GNG8: variants seen among roughly 807,000 people sequenced by gnomAD.
The protein encoded by GNG8 is guanine nucleotide-binding protein G(I)/G(S)/G(O) subunit gamma-8.
In GNG8, 3 loss-of-function variants were observed where a neutral mutation model predicts 4.6. The observed-to-expected ratio is 0.65, with a 90% CI of 0.29 to 1.67. The LOEUF (loss-of-function observed/expected upper bound fraction) is 1.67, where lower values mean the gene tolerates loss of function less well. Among genes scored for constraint, GNG8 ranks in the 40% most tolerant of loss-of-function variants. The pLI, the probability that GNG8 is intolerant of heterozygous loss-of-function variation, is 0.10. For synonymous variants in GNG8, 32 were observed against 40.5 expected (o/e 0.79, Z 0.80); for missense variants, 88 against 95.2 (o/e 0.92, Z 0.32).
chr19:46,639,321 C>T (rs1025261245), upstream of GNG8, among the ~76,000 whole-genome samples: 5 of 152,140 alleles, frequency 3.3e-5, no homozygotes, highest in Admixed American at 2.0e-4. The surrounding 1 kb of genome is among the most constrained non-coding windows in gnomAD (Gnocchi z 5.2). Context: ...TCTTTCTGGA[C>T]CTGGAGAAGG....
intron 2 of GNG8, 123 bp downstream of exon 2, chr19:46,634,476 C>G: frequency 1.1e-6 from 1 of 910,746 alleles, no homozygotes; most frequent in Non-Finnish European, 1.7e-6. Flanking sequence ...TGCCCTGCCC[C>G]GCCCCTTGCC....
chr19:46,634,219 G>T lies in GNG8; in HGVS notation c.85-15C>A, dbSNP rs1337305791. ...GCCTGCGACACCTGCGAGCACCCGGGTGGAGATGTCACCGCCCTGCCCGGC... is the reference window on the plus strand; with the variant it reads ...GCCTGCGACACCTGCGAGCACCCGGTTGGAGATGTCACCGCCCTGCCCGGC... On this transcript the variant is annotated splice_polypyrimidine_tract_variant and intron_variant, in intron 2 of 2. Coordinates refer to ENST00000693335, the MANE Select transcript of GNG8 (RefSeq NM_033258.2). 1.9e-6 allele frequency: 3 copies of T among 1,596,902 alleles called. No homozygotes were observed. Among genetic ancestry groups the T allele is most frequent in the Admixed American group, 1.7e-5 (1 of 58,538 alleles).
chr19:46,637,939 A>ACTGT (rs144076797), upstream of GNG8: 26,981 of 152,200 alleles, frequency 0.18, 3,101 homozygotes, highest in East Asian at 0.4. Context: ...GCCAACACAG[A>ACTGT]CTGACACTCA....
upstream of GNG8, chr19:46,637,676 C>A (rs2052877413): frequency 6.6e-6 from 1 of 152,160 alleles, no homozygotes; most frequent in Non-Finnish European, 1.5e-5. Flanking sequence ...CTCCACTTCC[C>A]AGGCTCAAGC....
intron 2 of GNG8, 94 bp from the exon 3 acceptor site, chr19:46,634,298 C>A (rs1187430450): frequency 1.8e-5 from 25 of 1,416,342 alleles, no homozygotes; most frequent in Non-Finnish European, 2.3e-5. Context: ...CTCCTCCCAC[C>A]TTGCCCCGCC....
At position 46,634,108 on chromosome 19, in the gene GNG8, G is replaced by T; in HGVS notation, c.181C>A (p.Arg61Ser). The T allele has an allele frequency of 6.2e-7, 1 of 1,613,926 alleles. No homozygotes were observed. The highest frequency in any genetic ancestry group is 8.5e-7 in the Non-Finnish European group (1 of 1,179,956). ...AGAACACAAAAGAGGCGCTTGTCGCGGAAGGGGTTCTCCGCGGCGGGTACT... is the reference window on the plus strand; with the variant it reads ...AGAACACAAAAGAGGCGCTTGTCGCTGAAGGGGTTCTCCGCGGCGGGTACT... ...TPVPAAENPF[R>S]DKRLFCVLL The change falls in exon 3 of 3, where the codon CGC becomes AGC. Residue 61 changes from arginine to serine, a missense_variant. Transcript: ENST00000693335.
chr19:46,634,163 C>T lies in GNG8; in HGVS notation c.126G>A (p.Thr42=), dbSNP rs2122388218. 1.9e-6 allele frequency: 3 copies of T among 1,613,426 alleles called. No homozygotes were observed. Among genetic ancestry groups the T allele is most frequent in the Non-Finnish European group, 2.5e-6 (3 of 1,179,868 alleles). ...TCACCAGCGGGTCATCTTTGGCATG[C>T]GTCTCGCAGAAAGCCAGGAGTTCCG... ...AAAELLAFCE[T]HAKDDPLVTP... Residue 42 remains threonine, a synonymous_variant, in exon 3 of 3, where the codon ACG becomes ACA. Transcript: ENST00000693335.
intron 1 of GNG8, among the ~76,000 whole-genome samples, chr19:46,635,826 G>A (rs1226882994): frequency 1.7e-5 from 2 of 116,876 alleles, no homozygotes; most frequent in Admixed American, 1.7e-4. Flanking sequence ...ATGGAGGGAG[G>A]GACGAAGGAG....
Position 46,634,585 on chromosome 19 carries a change from C to A in GNG8, c.84+14G>T. The A allele has an allele frequency of 1.9e-6, 3 of 1,610,482 alleles. No homozygotes were observed. The highest frequency in any genetic ancestry group is 2.5e-6 in the Non-Finnish European group (3 of 1,177,966). ...CCCAGAACCCCCGCCCTATTCCCCA[C>A]CCCGACCCAGCACCTTCATGCGGTC... On this transcript the variant is annotated intron_variant, in intron 2 of 2. Coordinates refer to ENST00000693335, the MANE Select transcript of GNG8 (RefSeq NM_033258.2).
intron 1 of GNG8, among the ~76,000 whole-genome samples, 170 bp downstream of exon 1, chr19:46,635,977 G>A: frequency 6.6e-6 from 1 of 151,910 alleles, no homozygotes; most frequent in East Asian, 1.9e-4. Context: ...GGGAGAGATG[G>A]AAACAGAAAG....
upstream of GNG8, chr19:46,638,192 A>C (rs967008324): frequency 6.6e-6 from 1 of 152,638 alleles, no homozygotes; most frequent in Non-Finnish European, 1.5e-5. The surrounding 1 kb of genome is among the most constrained non-coding windows in gnomAD (Gnocchi z 4.7). Context: ...AGCCCCAAAG[A>C]GTGTCTCTCC....
chr19:46,633,957 C>T lies in GNG8; in HGVS notation c.*119G>A. ...AGGAATGAGAACGGACACAGCTTCCCCTACGGTGGCCCCAAGCTCTGTGCG... is the reference window on the plus strand; with the variant it reads ...AGGAATGAGAACGGACACAGCTTCCTCTACGGTGGCCCCAAGCTCTGTGCG... On this transcript the variant is annotated 3_prime_UTR_variant, in exon 3 of 3. Transcript: ENST00000693335. The T allele has an allele frequency of 8.3e-7, 1 of 1,206,652 alleles. No homozygotes were observed. The highest frequency in any genetic ancestry group is 1.5e-5 in the South Asian group (1 of 68,068). 74.7% of individuals were successfully genotyped at this position (1,206,652 alleles called of 1,614,324 possible). A position where few individuals can be genotyped will look rare whatever the true frequency, so the allele number is the denominator to read the frequency against.
upstream of GNG8, chr19:46,636,984 G>T (rs951025583): frequency 1.3e-5 from 2 of 152,142 alleles, no homozygotes; most frequent in South Asian, 4.2e-4. Flanking sequence ...TAGAGACAGG[G>T]TCTCACAATG....
Position 46,634,220 on chromosome 19 carries a change from T to C in GNG8, c.85-16A>G. The C allele has an allele frequency of 6.3e-7, 1 of 1,596,432 alleles. No homozygotes were observed. The highest frequency in any genetic ancestry group is 8.5e-7 in the Non-Finnish European group (1 of 1,171,822). On this transcript the variant is annotated splice_polypyrimidine_tract_variant and intron_variant, in intron 2 of 2. Transcript: ENST00000693335. Reference sequence around the variant, plus strand: ...CCTGCGACACCTGCGAGCACCCGGGTGGAGATGTCACCGCCCTGCCCGGCT... The same window carrying C: ...CCTGCGACACCTGCGAGCACCCGGGCGGAGATGTCACCGCCCTGCCCGGCT...
At position 46,635,859 on chromosome 19, in the gene GNG8, G is replaced by C. The variant is rs541775799; in HGVS notation, c.-44+288C>G. 3.1e-4 allele frequency among the ~76,000 whole-genome samples: 46 copies of C among 147,866 alleles called. No individual in the cohort carries two copies. The South Asian group carries it at 7.3e-3, about 23-fold the overall frequency. On this transcript the variant is annotated intron_variant, in intron 1 of 2. Coordinates refer to ENST00000693335, the MANE Select transcript of GNG8 (RefSeq NM_033258.2). ...GAGAGAGAAGGGGAAATGGAGGAAG[G>C]GGGGAGGGAGGAAGGAGCAGAGACA...
chr19:46,634,715 G>T lies in GNG8; in HGVS notation c.-33C>A. 1 of 1,581,424 alleles carries T rather than the reference G, an allele frequency of 6.3e-7. No individual in the cohort carries two copies. The highest frequency in any genetic ancestry group is 8.7e-7 in the Non-Finnish European group (1 of 1,152,342). On this transcript the variant is annotated 5_prime_UTR_variant, in exon 2 of 3. Coordinates refer to ENST00000693335, the MANE Select transcript of GNG8 (RefSeq NM_033258.2). ...GCGGGGAAGGGGTTAAAAGACGCGCGGGAGTGGGGGCTGTGGGGGTAGGTT... is the reference window on the plus strand; with the variant it reads ...GCGGGGAAGGGGTTAAAAGACGCGCTGGAGTGGGGGCTGTGGGGGTAGGTT...
chr19:46,639,316 C>A (rs1012237135), upstream of GNG8, among the ~76,000 whole-genome samples: 6 of 152,158 alleles, frequency 3.9e-5, no homozygotes, highest in Non-Finnish European at 8.8e-5. This position sits in a 1 kb window ranked among gnomAD's most constrained non-coding sequence, Gnocchi z 5.2. Flanking sequence ...GGGGTTCTTT[C>A]TGGACCTGGA....
At chr19:46,634,256 G>A (rs893603765) in intron 2 of GNG8, 52 bp from the exon 3 acceptor site, 10 of 1,542,670 alleles carry the variant, frequency 6.5e-6, no homozygotes, top group African/African-American at 1.4e-5. Flanking sequence ...CCTTGGAGCC[G>A]CCCACTTAGG....
Position 46,634,693 on chromosome 19 carries a change from G to A in GNG8, c.-11C>T. The stretch of plus-strand genomic sequence containing the variant: ...CATGTTGTTGGACATGGTTGCGGCG[G>A]GGAAGGGGTTAAAAGACGCGCGGGA... On this transcript the variant is annotated 5_prime_UTR_variant, in exon 2 of 3. Transcript: ENST00000693335. 6.2e-7 allele frequency: 1 copy of A among 1,612,354 alleles called. No individual in the cohort carries two copies.
Sources: allele counts gnomAD v4.1 joint callset (sites outside exome capture counted in the v4.1 genomes callset), GRCh38; gene constraint gnomAD v4.1.1; non-coding constraint Gnocchi (gnomAD v3.1); transcripts MANE v1.5; gene names NCBI Gene and HGNC (gene_info 2026-07-23, HGNC 2026-07-21).